The following ALDH1A2 variants were observed in gnomAD, a reference collection of about 807,000 sequenced individuals.
ALDH1A2 encodes the protein aldehyde dehydrogenase 1 family member A2.
In ALDH1A2, 27 loss-of-function variants were observed where a neutral mutation model predicts 60.3. The ratio of observed to expected loss-of-function variants is 0.45; its 90% CI spans 0.33 to 0.62. The LOEUF is 0.62. Ranked by LOEUF, ALDH1A2 falls within the 20% of genes least tolerant of loss-of-function variation. ALDH1A2 has a pLI of 0.02. For missense variants in ALDH1A2, 581 were observed against 643.8 expected (o/e 0.90, Z 1.06); for synonymous variants, 289 against 232.4 (o/e 1.24, Z -2.21).
At chr15:57,991,814 G>A (rs573930631) in intron 7 of ALDH1A2, among the ~76,000 whole-genome samples, 17 of 152,172 alleles carry the variant, frequency 1.1e-4, no homozygotes, top group African/African-American at 4.1e-4. Flanking sequence ...CTAGACCTGC[G>A]GACATCCTTT....
chr15:58,019,939 C>A (rs1309072558), intron 1 of ALDH1A2, among the ~76,000 whole-genome samples: 2 of 151,982 alleles, frequency 1.3e-5, no homozygotes, highest in African/African-American at 2.4e-5. Flanking sequence ...TAGGTTTAAG[C>A]CCCCCATGCA....
chr15:58,026,460 G>C (rs1896081661), intron 1 of ALDH1A2, among the ~76,000 whole-genome samples: 1 of 152,194 alleles, frequency 6.6e-6, no homozygotes, highest in Non-Finnish European at 1.5e-5. Context: ...GAACACAGAA[G>C]ACAGGTGATT....
chr15:58,003,715 G>C (rs1895353577), intron 4 of ALDH1A2, among the ~76,000 whole-genome samples: 1 of 151,914 alleles, frequency 6.6e-6, no homozygotes, highest in Non-Finnish European at 1.5e-5. Flanking sequence ...GTAGACGTGA[G>C]AGAAGAGGAT....
Position 57,992,716 on chromosome 15 carries a change from C to G in ALDH1A2, c.787G>C (p.Gly263Arg). 1 of 1,614,098 alleles carries G rather than the reference C, an allele frequency of 6.2e-7. No individual in the cohort carries two copies. Among genetic ancestry groups the G allele is most frequent in the East Asian group, 2.2e-5 (1 of 44,882 alleles). The change falls in exon 7 of 13, where the codon GGG becomes CGG. Residue 263 changes from glycine to arginine, a missense_variant. Physicochemically the swap from Gly to Arg is moderately radical, Grantham distance 125 (BLOSUM62 -2). Transcript: ENST00000249750. Reference protein sequence around the residue: ...HIGIDKIAFTGSTEVGKLIQE... With the variant: ...HIGIDKIAFTRSTEVGKLIQE... ...TTTCAGATACCTACCTCAGTAGACC[C>G]TGTGAATGCAATCTTGTCTATGCCA... is the stretch of plus-strand genomic sequence containing the variant.
At chr15:57,979,932 G>C (rs557768721) in intron 7 of ALDH1A2, 3 of 356,054 alleles carry the variant, frequency 8.4e-6, no homozygotes, top group Admixed American at 3.0e-5. Context: ...TACCACACTT[G>C]TCGGTTCCCA....
chr15:58,058,059 T>C, intron 1 of ALDH1A2: 3 of 1,534,142 alleles, frequency 2.0e-6, no homozygotes, highest in Non-Finnish European at 2.6e-6. Flanking sequence ...TCACACTGAT[T>C]CTTCATCTTC....
At chr15:58,062,532 T>C (rs1200076799) in intron 1 of ALDH1A2, among the ~76,000 whole-genome samples, 1 of 152,186 alleles carries the variant, frequency 6.6e-6, no homozygotes, top group Non-Finnish European at 1.5e-5. Flanking sequence ...ACTAATAAAA[T>C]AGACAACTCA....
chr15:58,042,046 A>C (rs11071366), intron 1 of ALDH1A2, among the ~76,000 whole-genome samples: 1 of 151,728 alleles, frequency 6.6e-6, no homozygotes, highest in Non-Finnish European at 1.5e-5. Context: ...ATTTGAACAT[A>C]TGATTTTTGG....
At chr15:57,994,954 C>T (rs1416909713) in intron 5 of ALDH1A2, 124 bp downstream of exon 5, 5 of 920,418 alleles carry the variant, frequency 5.4e-6, no homozygotes, top group Non-Finnish European at 9.1e-6. Flanking sequence ...ATGTCAACAA[C>T]ATGAGCTCAG....
Position 58,013,872 on chromosome 15 carries a change from T to C in ALDH1A2, c.349A>G (p.Arg117Gly). The change falls in exon 3 of 13, where the codon AGG (arginine) becomes GGG (glycine). Residue 117 changes from arginine (R) to glycine (G), a missense_variant. Around this residue, in one of 2 missense-constraint regions of ALDH1A2, gnomAD observed 206 missense variants for 174.1 expected, o/e 1.18. Coordinates refer to ENST00000249750, the MANE Select transcript of ALDH1A2 (RefSeq NM_003888.4). ...DKLADLVERDRAVLATMESLN... is the reference protein window; with the variant it reads ...DKLADLVERDGAVLATMESLN... The stretch of plus-strand genomic sequence containing the variant: ...AGGTTACTTACTGCAAGAACTGCCC[T>C]GTCCCGTTCCACCAAGTCTGCAAGC... 6.2e-7 allele frequency: 1 copy of C among 1,614,212 alleles called. No homozygotes were observed. Among genetic ancestry groups the C allele is most frequent in the Non-Finnish European group, 8.5e-7 (1 of 1,180,020 alleles).
chr15:58,055,402 T>C (rs1360875919), intron 1 of ALDH1A2, among the ~76,000 whole-genome samples: 1 of 152,120 alleles, frequency 6.6e-6, no homozygotes, highest in Non-Finnish European at 1.5e-5. Context: ...TCTACATTGT[T>C]AGACATTGAG....
At chr15:58,026,555 A>T (rs1165022757) in intron 1 of ALDH1A2, among the ~76,000 whole-genome samples, 2 of 152,186 alleles carry the variant, frequency 1.3e-5, no homozygotes, top group Non-Finnish European at 2.9e-5. Context: ...GAGCCAACGC[A>T]GGGTGGGACA....
intron 7 of ALDH1A2, among the ~76,000 whole-genome samples, chr15:57,987,767 C>G (rs1894753990): frequency 1.3e-5 from 2 of 151,792 alleles, no homozygotes; most frequent in Non-Finnish European, 2.9e-5. Context: ...TGCCTGTAGT[C>G]CCAGCTACTC....
At chr15:57,993,694 G>A (rs1168274736) in intron 5 of ALDH1A2, among the ~76,000 whole-genome samples, 1 of 152,188 alleles carries the variant, frequency 6.6e-6, no homozygotes, top group East Asian at 1.9e-4. Flanking sequence ...AGTAGATGAG[G>A]TTGGGGTCTA....
At chr15:58,038,999 G>C (rs1275389272) in intron 1 of ALDH1A2, among the ~76,000 whole-genome samples, 1 of 151,694 alleles carries the variant, frequency 6.6e-6, no homozygotes, top group Non-Finnish European at 1.5e-5. Context: ...AAAGTTTTTT[G>C]GTGTCCTGTG....
chr15:58,022,292 C>T (rs1223913257), intron 1 of ALDH1A2, among the ~76,000 whole-genome samples: 1 of 152,182 alleles, frequency 6.6e-6, no homozygotes. Context: ...GTACAGGGTA[C>T]TGAGGTTGGG....
chr15:57,975,275 C>T (rs988252281), intron 7 of ALDH1A2, among the ~76,000 whole-genome samples: 20 of 152,182 alleles, frequency 1.3e-4, no homozygotes, highest in Admixed American at 1.2e-3. Flanking sequence ...TTTTATTAGT[C>T]CCAAACTGAA....
At chr15:58,056,487 A>C (rs1896898688) in intron 1 of ALDH1A2, among the ~76,000 whole-genome samples, 1 of 152,130 alleles carries the variant, frequency 6.6e-6, no homozygotes, top group Non-Finnish European at 1.5e-5. Flanking sequence ...AACTTTCTGA[A>C]GACTACAAAA....
intron 1 of ALDH1A2, chr15:58,014,632 T>C (rs1197029210): frequency 8.7e-5 from 38 of 434,306 alleles, no homozygotes; most frequent in Non-Finnish European, 3.7e-5. Context: ...GAGGGTTAAA[T>C]AGCAGATCAA....
Sources: allele counts gnomAD v4.1 joint callset (sites outside exome capture counted in the v4.1 genomes callset), GRCh38; gene constraint gnomAD v4.1.1; regional missense constraint gnomAD v4.1.1; transcripts MANE v1.5; gene names NCBI Gene and HGNC (gene_info 2026-07-23, HGNC 2026-07-21).